Variants in TOP1 observed in about 807,000 individuals in gnomAD.
The protein encoded by TOP1 is DNA topoisomerase I, also known as DNA topoisomerase 1.
Under a neutral mutation model 111.1 loss-of-function variants are expected in TOP1, and 10 were observed. The ratio of observed to expected loss-of-function variants is 0.09; its 90% CI spans 0.06 to 0.15. The LOEUF (loss-of-function observed/expected upper bound fraction) is 0.15. Among genes scored for constraint, TOP1 ranks in the 10% least tolerant of loss-of-function variants. The probability of loss-of-function intolerance (pLI) is 1.00; values close to 1 mark genes in which losing one functional copy is unlikely to be tolerated. For synonymous variants in TOP1, 271 were observed against 302.9 expected (o/e 0.89, Z 1.10); for missense variants, 474 against 926.7 (o/e 0.51, Z 6.34).
At position 41,032,944 on chromosome 20, in the gene TOP1, A is replaced by G. The variant is rs943734789; in HGVS notation, c.58+3489A>G. 3.3e-5 allele frequency among the ~76,000 whole-genome samples: 5 copies of G among 152,314 alleles called. No individual in the cohort carries two copies. Among genetic ancestry groups the G allele is most frequent in the East Asian group, 1.9e-4 (1 of 5,190 alleles). On this transcript the variant is annotated intron_variant, in intron 2 of 20. Transcript: ENST00000361337. This position sits in a 1 kb window ranked among gnomAD's most constrained non-coding sequence, Gnocchi z 4.3. ...GAAATCTGCAGCATCCTCAGACTCA[A>G]TCAGGAAATACTTAAGCATTATGCT...
At chr20:41,054,109 A>G (rs2033439036) in intron 2 of TOP1, among the ~76,000 whole-genome samples, 1 of 152,200 alleles carries the variant, frequency 6.6e-6, no homozygotes, top group Non-Finnish European at 1.5e-5. Flanking sequence ...TACATTTAGT[A>G]AAGGATACTG....
At chr20:41,065,811 G>A (rs2145929222) in intron 3 of TOP1, among the ~76,000 whole-genome samples, 1 of 152,150 alleles carries the variant, frequency 6.6e-6, no homozygotes, top group East Asian at 1.9e-4. Flanking sequence ...TCTGTTGATG[G>A]ACACTTGGGT....
At chr20:41,047,295 T>C (rs1325582319) in intron 2 of TOP1, among the ~76,000 whole-genome samples, 1 of 152,262 alleles carries the variant, frequency 6.6e-6, no homozygotes, top group East Asian at 1.9e-4. Flanking sequence ...TAGAAGGTGG[T>C]ATTTTTACTG....
intron 2 of TOP1, among the ~76,000 whole-genome samples, chr20:41,033,347 CAAAAAAA>C (rs34731706): frequency 3.0e-5 from 3 of 100,890 alleles, no homozygotes; most frequent in Admixed American, 1.0e-4. Flanking sequence ...CCAATAGCAG[CAAAAAAA>C]AAAAAAAAAA....
chr20:41,096,226 C>T (rs2145948335), intron 9 of TOP1, among the ~76,000 whole-genome samples: 1 of 152,240 alleles, frequency 6.6e-6, no homozygotes, highest in South Asian at 2.1e-4. Flanking sequence ...ACCACCACGC[C>T]CGGCTAATTT....
At chr20:41,089,327 A>G (rs959339227) in intron 8 of TOP1, among the ~76,000 whole-genome samples, 4 of 151,990 alleles carry the variant, frequency 2.6e-5, no homozygotes, top group African/African-American at 9.7e-5. Flanking sequence ...TGCCCAGCCT[A>G]TTCCCCCAGT....
In TOP1 at chr20:41,092,294, G is replaced by A. The variant is rs111238606; in HGVS notation, c.615-178G>A. On this transcript the variant is annotated intron_variant, in intron 8 of 20. Transcript: ENST00000361337. This position sits in a 1 kb window ranked among gnomAD's most constrained non-coding sequence, Gnocchi z 4.3. ...ACAGTATTTCATCTTACTTGTGAGCGTTGGCTTTTTCAAAATGAGAGACAC... is the reference window on the plus strand; with the variant it reads ...ACAGTATTTCATCTTACTTGTGAGCATTGGCTTTTTCAAAATGAGAGACAC... 8.5e-5 allele frequency among the ~76,000 whole-genome samples: 13 copies of A among 152,324 alleles called. No homozygotes were observed. Among genetic ancestry groups the A allele is most frequent in the African/African-American group, 2.2e-4 (9 of 41,578 alleles).
At chr20:41,043,546 C>T (rs2033293961) in intron 2 of TOP1, among the ~76,000 whole-genome samples, 1 of 152,162 alleles carries the variant, frequency 6.6e-6, no homozygotes, top group Admixed American at 6.5e-5. Flanking sequence ...AGAGAATGGC[C>T]TGCGCATTTC....
intron 9 of TOP1, among the ~76,000 whole-genome samples, chr20:41,096,948 G>A (rs2033991152): frequency 6.6e-6 from 1 of 152,180 alleles, no homozygotes; most frequent in Non-Finnish European, 1.5e-5. Context: ...CCTCCCCCAG[G>A]TCATCCCTGT....
chr20:41,097,093 T>C lies in TOP1; in HGVS notation c.731-127T>C. The C allele has an allele frequency of 1.1e-6, 1 of 897,312 alleles. No individual in the cohort carries two copies. Among genetic ancestry groups the C allele is most frequent in the Non-Finnish European group, 1.7e-6 (1 of 596,704 alleles). The allele number at this position is 897,312 out of a possible 1,614,324, so 55.6% of individuals were successfully genotyped here. A position where few individuals can be genotyped will look rare whatever the true frequency, so the allele number is the denominator to read the frequency against. ...GTTGTCTTTGTTGTTGTTGCTACTA[T>C]GTGTCACCAGACCTTTATATACCAT... On this transcript the variant is annotated intron_variant, in intron 9 of 20. Coordinates refer to ENST00000361337, the MANE Select transcript of TOP1 (RefSeq NM_003286.4). This position sits in a 1 kb window ranked among gnomAD's most constrained non-coding sequence, Gnocchi z 4.2.
In TOP1 at chr20:41,078,252, A is replaced by G. The variant is rs1005472017; in HGVS notation, c.335+615A>G. Among the ~76,000 whole-genome samples the G allele has an allele frequency of 3.3e-5, 5 of 152,058 alleles. No individual in the cohort carries two copies. Among genetic ancestry groups the G allele is most frequent in the African/African-American group, 1.2e-4 (5 of 41,420 alleles). ...TTCCTATACTGTTTTTACCTTTATA[A>G]TTTTGTTTTCCTCAGCCTCAATTTC... On this transcript the variant is annotated intron_variant, in intron 5 of 20. Transcript: ENST00000361337. This position sits in a 1 kb window ranked among gnomAD's most constrained non-coding sequence, Gnocchi z 5.3.
At chr20:41,104,353 T>A (rs1390052972) in intron 13 of TOP1, among the ~76,000 whole-genome samples, 1 of 152,188 alleles carries the variant, frequency 6.6e-6, no homozygotes, top group African/African-American at 2.4e-5. Context: ...GGGAAGCTGT[T>A]GCATACTCCA....
intron 2 of TOP1, among the ~76,000 whole-genome samples, chr20:41,047,113 G>C (rs778520283): frequency 9.2e-5 from 14 of 152,220 alleles, no homozygotes; most frequent in Non-Finnish European, 2.1e-4. Flanking sequence ...CTTTCTACAG[G>C]AGACATTGCG....
intron 13 of TOP1, among the ~76,000 whole-genome samples, chr20:41,108,868 C>G (rs1306626368): frequency 6.6e-6 from 1 of 152,156 alleles, no homozygotes. Flanking sequence ...AATCCACTGC[C>G]AAGTTTGGAA....
chr20:41,049,883 G>C (rs925600186), intron 2 of TOP1, among the ~76,000 whole-genome samples: 20 of 152,086 alleles, frequency 1.3e-4, no homozygotes, highest in African/African-American at 4.8e-4. Context: ...TCCCTAACAG[G>C]GGAATCCCAT....
rs769829398 is a variant in TOP1, at chr20:41,029,323, C to T, written c.34-108C>T. 106 of 1,052,002 alleles carry T rather than the reference C, an allele frequency of 1.0e-4. No homozygotes were observed. Among genetic ancestry groups the T allele is most frequent in the Non-Finnish European group, 1.3e-4 (95 of 759,018 alleles). 65.2% of individuals were successfully genotyped at this position (1,052,002 alleles called of 1,614,324 possible). ...TGCCCTCTGTGGCCACCCCCGGGTC[C>T]CCGTCCTCCCCGGGGGCGCAGGGTG... On this transcript the variant is annotated intron_variant, in intron 1 of 20. Coordinates refer to ENST00000361337, the MANE Select transcript of TOP1 (RefSeq NM_003286.4). This position sits in a 1 kb window ranked among gnomAD's most constrained non-coding sequence, Gnocchi z 6.1.
At chr20:41,048,213 A>G (rs1233414771) in intron 2 of TOP1, among the ~76,000 whole-genome samples, 1 of 152,184 alleles carries the variant, frequency 6.6e-6, no homozygotes, top group African/African-American at 2.4e-5. Context: ...GAATTTTTGT[A>G]GGTGGCTCGT....
intron 18 of TOP1, among the ~76,000 whole-genome samples, chr20:41,120,124 G>A (rs2034398548): frequency 6.6e-6 from 1 of 152,228 alleles, no homozygotes; most frequent in Non-Finnish European, 1.5e-5. Context: ...TGCTTTGAGA[G>A]AATTTGACAT....
At chr20:41,074,704 T>C (rs1485520535) in intron 3 of TOP1, among the ~76,000 whole-genome samples, 2 of 152,220 alleles carry the variant, frequency 1.3e-5, no homozygotes, top group Non-Finnish European at 2.9e-5. Flanking sequence ...CATTTGTTTC[T>C]CCCTTTGTGA....
Sources: gnomAD v4.1 joint callset for allele counts (sites outside exome capture counted in the v4.1 genomes callset) on GRCh38, gnomAD v4.1.1 for gene constraint, Gnocchi (gnomAD v3.1) non-coding constraint, MANE v1.5 for transcripts, NCBI Gene and HGNC (gene_info 2026-07-23, HGNC 2026-07-21) for gene names.